Variants in WFS1 observed in about 807,000 individuals in gnomAD.
The protein encoded by WFS1 is wolframin ER transmembrane glycoprotein.
A neutral mutation model predicts 68.5 loss-of-function variants in WFS1; 90 were observed. The ratio of observed to expected loss-of-function variants is 1.31; its 90% CI spans 1.11 to 1.56. WFS1 has a LOEUF of 1.56. Among genes scored for constraint, WFS1 ranks in the 40% most tolerant of loss-of-function variants. The pLI is 0.00. For synonymous variants in WFS1, 860 were observed against 540.7 expected, an observed-to-expected ratio of 1.59 and a Z score of -8.19; for missense variants, 1,767 against 1,232.6, an observed-to-expected ratio of 1.43 and a Z score of -6.49.
At chr4:6,298,908 C>T (rs933265678) in intron 7 of WFS1, among the ~76,000 whole-genome samples, 6 of 152,216 alleles carry the variant, frequency 3.9e-5, no homozygotes, top group South Asian at 2.1e-4. Context: ...CCCCGAGGCC[C>T]GGAGCTGATG....
chr4:6,300,496 G>A (rs563187115), intron 7 of WFS1, among the ~76,000 whole-genome samples, 161 bp from the exon 8 acceptor site: 1 of 152,176 alleles, frequency 6.6e-6, no homozygotes, highest in East Asian at 1.9e-4. Flanking sequence ...GGGCCACCTG[G>A]AGAAGGGGGG....
chr4:6,288,807 G>T, intron 3 of WFS1, 180 bp from the exon 4 acceptor site: 1 of 879,830 alleles, frequency 1.1e-6, no homozygotes, highest in Non-Finnish European at 1.8e-6. Flanking sequence ...TTTGAGGAGC[G>T]AGTGGCCGGA....
chr4:6,275,359 G>A (rs1015206077), intron 1 of WFS1, among the ~76,000 whole-genome samples: 13 of 152,208 alleles, frequency 8.5e-5, no homozygotes, highest in Admixed American at 2.6e-4. Flanking sequence ...TGCCCACAGC[G>A]TGTGGGTTCT....
chr4:6,299,292 T>G (rs1289940729), intron 7 of WFS1, among the ~76,000 whole-genome samples: 1 of 152,184 alleles, frequency 6.6e-6, no homozygotes, highest in African/African-American at 2.4e-5. Context: ...CTGCTCCTCT[T>G]GGCTGTGGTG....
rs78937805 is a variant in WFS1, at chr4:6,276,042, G to T, written c.-5-1409G>T. ...GTGGGCACAGAGCCAGGAGTACAGC[G>T]CTGCGGCAGCTTGGGGCTGGGAGCG... On this transcript the variant is annotated intron_variant, in intron 1 of 7. Transcript: ENST00000226760. 2.7e-3 allele frequency among the ~76,000 whole-genome samples: 410 copies of T among 152,316 alleles called. 1 individual carries two copies. Among genetic ancestry groups the T allele is most frequent in the African/African-American group, 9.4e-3 (390 of 41,564 alleles).
intron 2 of WFS1, among the ~76,000 whole-genome samples, chr4:6,280,048 G>A (rs4262051): frequency 0.65 from 98,598 of 151,044 alleles, 32,570 homozygotes; most frequent in East Asian, 0.94. Context: ...GGGCTTGGAA[G>A]CTCAGGGGCT....
At chr4:6,270,904 G>A (rs1729819190) in intron 1 of WFS1, among the ~76,000 whole-genome samples, 1 of 152,204 alleles carries the variant, frequency 6.6e-6, no homozygotes, top group South Asian at 2.1e-4. Context: ...TGCCAGCCCA[G>A]GACCACGAAG....
rs71530923 is a variant in WFS1 at position 6,277,579 on chromosome 4, C to T, written c.124C>T (p.Arg42Ter). 6.8e-5 allele frequency: 107 copies of T among 1,583,790 alleles called. No individual in the cohort carries two copies. Among genetic ancestry groups the T allele is most frequent in the Admixed American group, 8.9e-5 (5 of 55,996 alleles). ...SLEQERSERP[R>*]APGPQAGPGP... The stretch of plus-strand genomic sequence containing the variant: ...GGAGCAGGAGAGGAGCGAAAGGCCC[C>T]GAGCACCCGGACCCCAGGCTGGCCC... The change falls in exon 2 of 8, where the codon CGA becomes TGA. Residue 42 changes from arginine (R) to a stop codon, truncating the protein, a stop_gained. Transcript: ENST00000226760. LOFTEE classifies it high-confidence loss of function.
intron 2 of WFS1, among the ~76,000 whole-genome samples, chr4:6,286,837 C>G (rs747467570): frequency 6.6e-6 from 1 of 152,194 alleles, no homozygotes; most frequent in African/African-American, 2.4e-5. Flanking sequence ...ACCCCGAGCG[C>G]TTTGAGTTGC....
rs748353498 is a variant in WFS1 at position 6,300,809 on chromosome 4, C to A, written c.1014C>A (p.Ile338=). 2 of 1,614,062 alleles carry A rather than the reference C, an allele frequency of 1.2e-6. No individual in the cohort carries two copies. Among genetic ancestry groups the A allele is most frequent in the Admixed American group, 1.7e-5 (1 of 60,020 alleles). ...IFFFIVSNLT[I]DFFAFFIPLV... ...TCTTCATCGTCAGCAACCTCACCAT[C>A]GACTTCTTCGCCTTCTTCATCCCGC... Residue 338 remains isoleucine (I), a synonymous_variant, in exon 8 of 8, where the codon ATC becomes ATA. Coordinates refer to ENST00000226760, the MANE Select transcript of WFS1 (RefSeq NM_006005.3).
At chr4:6,288,273 G>C (rs1244885721) in intron 3 of WFS1, among the ~76,000 whole-genome samples, 7 of 151,066 alleles carry the variant, frequency 4.6e-5, no homozygotes, top group African/African-American at 1.7e-4. Flanking sequence ...GTACTTTAAA[G>C]TTCCTCCCAC....
Position 6,302,304 on chromosome 4 carries a change from T to G in WFS1, c.2509T>G (p.Trp837Gly), listed in dbSNP as rs1730969859. 8 of 1,609,242 alleles carry G rather than the reference T, an allele frequency of 5.0e-6. No individual in the cohort carries two copies. The highest frequency in any genetic ancestry group is 5.9e-6 in the Non-Finnish European group (7 of 1,177,416). The change falls in exon 8 of 8, where the codon TGG becomes GGG. Residue 837 changes from tryptophan (W) to glycine (G), a missense_variant. By Grantham distance (184) the Trp-to-Gly change is radical. Coordinates refer to ENST00000226760, the MANE Select transcript of WFS1 (RefSeq NM_006005.3). ...CCTGGAGGGCCGCCTGGGCAGCAAG[T>G]GGCCTGTCTTCGAGCTCAAGGCCAT... ...TILEGRLGSK[W>G]PVFELKAISC... is the part of the protein sequence containing the mutation.
intron 2 of WFS1, among the ~76,000 whole-genome samples, chr4:6,285,382 G>A (rs1730285939): frequency 6.7e-6 from 1 of 150,158 alleles, no homozygotes; most frequent in Non-Finnish European, 1.5e-5. Context: ...GGAGAGGGGT[G>A]TCCAGGGATG....
intron 6 of WFS1, chr4:6,294,783 A>T (rs942124139): frequency 9.7e-5 from 50 of 514,128 alleles, no homozygotes; most frequent in African/African-American, 9.6e-4. Context: ...AGAGAGGGAC[A>T]CTTGGGGTGG....
At position 6,302,330 on chromosome 4, in the gene WFS1, C is replaced by CAGCT. The variant is rs1560422046; in HGVS notation, c.2536_2539dup (p.Cys847Ter). 1.2e-6 allele frequency: 2 copies of CAGCT among 1,612,422 alleles called. No individual in the cohort carries two copies. The highest frequency in any genetic ancestry group is 2.2e-5 in the South Asian group (2 of 91,078). ...GGCCTGTCTTCGAGCTCAAGGCCATCAGCTGCCTCAACTGCATGGCCCAGC... is the reference window on the plus strand; with the variant it reads ...GGCCTGTCTTCGAGCTCAAGGCCATCAGCTAGCTGCCTCAACTGCATGGCCCAGC... On this transcript the variant is annotated frameshift_variant, in exon 8 of 8. Coordinates refer to ENST00000226760, the MANE Select transcript of WFS1 (RefSeq NM_006005.3). LOFTEE classifies it high-confidence loss of function.
At chr4:6,277,849 A>G (rs1412466748) in intron 2 of WFS1, among the ~76,000 whole-genome samples, 162 bp downstream of exon 2, 2 of 151,998 alleles carry the variant, frequency 1.3e-5, no homozygotes, top group African/African-American at 4.8e-5. Flanking sequence ...GGGGCTACCC[A>G]CCTCCTCAGA....
At chr4:6,291,674 A>C (rs1474023034) in intron 5 of WFS1, among the ~76,000 whole-genome samples, 2 of 152,174 alleles carry the variant, frequency 1.3e-5, no homozygotes, top group South Asian at 2.1e-4. Flanking sequence ...ACGTCTACCA[A>C]TGGGACGGAC....
intron 2 of WFS1, among the ~76,000 whole-genome samples, chr4:6,279,000 T>G (rs922074356): frequency 6.6e-6 from 1 of 152,124 alleles, no homozygotes. Flanking sequence ...TTGGCTTCGG[T>G]CTCCAATGTG....
chr4:6,298,894 G>A (rs1278238768), intron 7 of WFS1, among the ~76,000 whole-genome samples: 1 of 152,230 alleles, frequency 6.6e-6, no homozygotes, highest in Non-Finnish European at 1.5e-5. Flanking sequence ...GGGGTCTGGT[G>A]CTTCCCCGAG....
Sources: gnomAD v4.1 joint callset for allele counts (sites outside exome capture counted in the v4.1 genomes callset) on GRCh38, gnomAD v4.1.1 for gene constraint, MANE v1.5 for transcripts, NCBI Gene and HGNC (gene_info 2026-07-23, HGNC 2026-07-21) for gene names.